The following MAPKAPK5 variants were observed in gnomAD, a reference collection of about 807,000 sequenced individuals.
MAPKAPK5 encodes the protein MAPK activated protein kinase 5, also known as MAP kinase-activated protein kinase 5.
MAPKAPK5 carries 30 observed loss-of-function variants against 65.1 expected under a neutral mutation model. That is an observed-to-expected ratio of 0.46 (90% CI 0.34 to 0.63). MAPKAPK5 has a LOEUF of 0.63. MAPKAPK5 is among the 20% of genes least tolerant of loss of function. MAPKAPK5 has a pLI of 0.01. For missense variants in MAPKAPK5, 433 were observed against 581.4 expected (o/e 0.74, Z 2.63); for synonymous variants, 179 against 204.6 (o/e 0.87, Z 1.07).
intron 1 of MAPKAPK5, among the ~76,000 whole-genome samples, chr12:111,861,711 G>C (rs2069442933): frequency 6.6e-6 from 1 of 152,196 alleles, no homozygotes; most frequent in Non-Finnish European, 1.5e-5. Context: ...ACAGTGTTTA[G>C]AAAAGCAAGC....
At position 111,883,796 on chromosome 12, in the gene MAPKAPK5, G is replaced by A. The variant is rs1264866530; in HGVS notation, c.848+28G>A. 6.2e-7 allele frequency: 1 copy of A among 1,604,296 alleles called. No individual in the cohort carries two copies. The highest frequency in any genetic ancestry group is 8.5e-7 in the Non-Finnish European group (1 of 1,175,846). On this transcript the variant is annotated intron_variant, in intron 9 of 13. Coordinates refer to ENST00000550735, the MANE Select transcript of MAPKAPK5 (RefSeq NM_003668.4). This position sits in a 1 kb window ranked among gnomAD's most constrained non-coding sequence, Gnocchi z 4.8. ...GAGTTCACGGGCTGCTGGGCATGGAGGCCAAGGAGGCCTCCAGGTGGTGGA... is the reference window on the plus strand; with the variant it reads ...GAGTTCACGGGCTGCTGGGCATGGAAGCCAAGGAGGCCTCCAGGTGGTGGA...
At position 111,855,762 on chromosome 12, in the gene MAPKAPK5, G is replaced by C. The variant is rs191900173; in HGVS notation, c.37-9488G>C. Among the ~76,000 whole-genome samples, 1,293 of 151,790 alleles carry C rather than the reference G, an allele frequency of 8.5e-3. 70 individuals are homozygous for C. Among genetic ancestry groups the C allele is most frequent in the Admixed American group, 0.078 (1,194 of 15,228 alleles). On this transcript the variant is annotated intron_variant, in intron 1 of 13. Transcript: ENST00000550735. ...GAATCGCTTGAACCTGGGAGGCAGA[G>C]ATTGCAGTGAGCCAAGATTGCGCCA...
Position 111,885,607 on chromosome 12 carries a change from T to A in MAPKAPK5, c.849-309T>A, listed in dbSNP as rs572685584. 4.9e-4 allele frequency: 122 copies of A among 247,402 alleles called. 1 individual carries two copies. The highest frequency in any genetic ancestry group is 8.3e-4 in the Non-Finnish European group (107 of 128,906). The allele number at this position is 247,402 out of a possible 1,614,324, so 15.3% of individuals were successfully genotyped here. A position where few individuals can be genotyped will look rare whatever the true frequency, so the allele number is the denominator to read the frequency against. ...GTCCTAGAAACCTCAGTATGGAGAT[T>A]CAAGGTCTGAGGAACTATAAGCCAT... On this transcript the variant is annotated intron_variant, in intron 9 of 13. Transcript: ENST00000550735.
chr12:111,878,873 C>A (rs2070091391), intron 7 of MAPKAPK5, among the ~76,000 whole-genome samples: 2 of 152,206 alleles, frequency 1.3e-5, no homozygotes, highest in South Asian at 2.1e-4. Context: ...CCATTGATCT[C>A]TTTATCTATC....
In MAPKAPK5 at chr12:111,896,726, T is replaced by A. The variant is rs1043552729; in HGVS notation, c.*3665T>A. The A allele has an allele frequency of 2.6e-5, 4 of 152,212 alleles. No homozygotes were observed. The highest frequency in any genetic ancestry group is 5.9e-5 in the Non-Finnish European group (4 of 68,038). 9.4% of individuals were successfully genotyped at this position (152,212 alleles called of 1,614,324 possible). A position where few individuals can be genotyped will look rare whatever the true frequency, so the allele number is the denominator to read the frequency against. ...GCCATTACTGGTCAATCAGATACTTTTAGACTTTACCACAGTTATAAAAGT... is the reference window on the plus strand; with the variant it reads ...GCCATTACTGGTCAATCAGATACTTATAGACTTTACCACAGTTATAAAAGT... On this transcript the variant is annotated 3_prime_UTR_variant, in exon 14 of 14. Transcript: ENST00000550735.
chr12:111,859,933 G>A (rs1397059305), intron 1 of MAPKAPK5, among the ~76,000 whole-genome samples: 2 of 152,182 alleles, frequency 1.3e-5, no homozygotes. Context: ...ACAGGCGTGA[G>A]CCACCGTGCC....
intron 1 of MAPKAPK5, among the ~76,000 whole-genome samples, chr12:111,856,395 C>CTT (rs59520011): frequency 1.5e-4 from 22 of 143,370 alleles, no homozygotes; most frequent in East Asian, 2.0e-4. Context: ...TCTCCCTCTT[C>CTT]TTTTTTTTTC....
At chr12:111,854,243 C>CTT (rs1345112193) in intron 1 of MAPKAPK5, among the ~76,000 whole-genome samples, 7 of 141,906 alleles carry the variant, frequency 4.9e-5, no homozygotes, top group Non-Finnish European at 7.8e-5. Context: ...TTTTCTTTTT[C>CTT]TTTTTTTTTT....
rs542057164 is a variant in MAPKAPK5, at chr12:111,897,643, A to G, written c.*4582A>G. On this transcript the variant is annotated 3_prime_UTR_variant, in exon 14 of 14. Transcript: ENST00000550735. Reference sequence around the variant, plus strand: ...ATAAATCACAAGAAATACAGCTGGAAATCATTTCACTTTTCTTGCTGTAAA... The same window carrying G: ...ATAAATCACAAGAAATACAGCTGGAGATCATTTCACTTTTCTTGCTGTAAA... 6.6e-6 allele frequency: 1 copy of G among 152,310 alleles called. No homozygotes were observed. Among genetic ancestry groups the G allele is most frequent in the East Asian group, 1.9e-4 (1 of 5,188 alleles). 9.4% of individuals were successfully genotyped at this position (152,310 alleles called of 1,614,324 possible).
Position 111,847,344 on chromosome 12 carries a change from C to CAAAAA in MAPKAPK5, c.36+4588_36+4592dup, listed in dbSNP as rs58150812. Among the ~76,000 whole-genome samples the CAAAAA allele has an allele frequency of 9.7e-5, 10 of 103,326 alleles. 1 individual carries two copies. Among genetic ancestry groups the CAAAAA allele is most frequent in the South Asian group, 2.9e-4 (1 of 3,400 alleles). 67.8% of individuals were successfully genotyped at this position (103,326 alleles called of 152,430 possible). A position where few individuals can be genotyped will look rare whatever the true frequency, so the allele number is the denominator to read the frequency against. ...GCCTGGGCGACAGGGTGAGACTCTG[C>CAAAAA]AAAAAAAAAAAAAAAAATTTAGGAT... On this transcript the variant is annotated intron_variant, in intron 1 of 13. Coordinates refer to ENST00000550735, the MANE Select transcript of MAPKAPK5 (RefSeq NM_003668.4).
chr12:111,898,483 TTA>T lies in MAPKAPK5; in HGVS notation c.*5424_*5425del, dbSNP rs1218342764. 6.6e-6 allele frequency: 1 copy of T among 152,148 alleles called. No homozygotes were observed. Among genetic ancestry groups the T allele is most frequent in the Non-Finnish European group, 1.5e-5 (1 of 68,052 alleles). 9.4% of individuals were successfully genotyped at this position (152,148 alleles called of 1,614,324 possible). A position where few individuals can be genotyped will look rare whatever the true frequency, so the allele number is the denominator to read the frequency against. On this transcript the variant is annotated 3_prime_UTR_variant, in exon 14 of 14. Coordinates refer to ENST00000550735, the MANE Select transcript of MAPKAPK5 (RefSeq NM_003668.4). ...CGTGCCCGGGCCCCACACTTTGTTT[TTA>T]TGTTAGGGCAGTTGGAGGAACTGAA...
rs1425213491 is a variant in MAPKAPK5 at position 111,893,730 on chromosome 12, T to G, written c.*669T>G. 3 of 151,574 alleles carry G rather than the reference T, an allele frequency of 2.0e-5. No homozygotes were observed. Among genetic ancestry groups the G allele is most frequent in the African/African-American group, 7.3e-5 (3 of 41,310 alleles). 9.4% of individuals were successfully genotyped at this position (151,574 alleles called of 1,614,324 possible). A position where few individuals can be genotyped will look rare whatever the true frequency, so the allele number is the denominator to read the frequency against. On this transcript the variant is annotated 3_prime_UTR_variant, in exon 14 of 14. Coordinates refer to ENST00000550735, the MANE Select transcript of MAPKAPK5 (RefSeq NM_003668.4). ...GGTTTATTCTTTTTTTTTTTTTTTT[T>G]TTGAGACAGAGTCTTGCTGTTGTAG... is the stretch of plus-strand genomic sequence containing the variant.
chr12:111,860,545 T>C (rs1328912477), intron 1 of MAPKAPK5, among the ~76,000 whole-genome samples: 1 of 152,152 alleles, frequency 6.6e-6, no homozygotes, highest in African/African-American at 2.4e-5. Flanking sequence ...TCACCCCAAA[T>C]TGAGTCCACC....
At chr12:111,848,412 ATTT>A (rs57942830) in intron 1 of MAPKAPK5, among the ~76,000 whole-genome samples, 2 of 123,208 alleles carry the variant, frequency 1.6e-5, no homozygotes, top group Non-Finnish European at 3.5e-5. Context: ...CTTTTGCCCC[ATTT>A]TTTTTTTTTT....
At chr12:111,863,929 A>G (rs2069522127) in intron 1 of MAPKAPK5, among the ~76,000 whole-genome samples, 1 of 152,056 alleles carries the variant, frequency 6.6e-6, no homozygotes, top group South Asian at 2.1e-4. Context: ...TAAGGTCTGC[A>G]GTTGGTTTCC....
At chr12:111,884,886 TG>T (rs895508281) in intron 9 of MAPKAPK5, among the ~76,000 whole-genome samples, 3 of 152,030 alleles carry the variant, frequency 2.0e-5, no homozygotes, top group South Asian at 2.1e-4. Context: ...GATTAGAAGG[TG>T]GGGGTTGGGG....
chr12:111,865,424 C>A, intron 2 of MAPKAPK5, 101 bp downstream of exon 2: 1 of 794,776 alleles, frequency 1.3e-6, no homozygotes, highest in Non-Finnish European at 2.1e-6. Context: ...TCAGGTGTGC[C>A]AGATTTGAGG....
At chr12:111,847,093 A>G (rs1028823015) in intron 1 of MAPKAPK5, among the ~76,000 whole-genome samples, 3 of 151,812 alleles carry the variant, frequency 2.0e-5, no homozygotes, top group African/African-American at 7.3e-5. Flanking sequence ...TGTAATCCCA[A>G]CACTTTGGGA....
intron 1 of MAPKAPK5, among the ~76,000 whole-genome samples, chr12:111,848,945 G>C (rs889966328): frequency 6.6e-6 from 1 of 151,698 alleles, no homozygotes; most frequent in African/African-American, 2.4e-5. Context: ...TGTATTTTTA[G>C]TAGAGATGAG....
Sources: allele counts gnomAD v4.1 joint callset (sites outside exome capture counted in the v4.1 genomes callset), GRCh38; gene constraint gnomAD v4.1.1; non-coding constraint Gnocchi (gnomAD v3.1); transcripts MANE v1.5; gene names NCBI Gene and HGNC (gene_info 2026-07-23, HGNC 2026-07-21).